CTNNA2: variants seen among roughly 807,000 people sequenced by gnomAD.
CTNNA2 encodes the protein catenin alpha 2.
A neutral mutation model predicts 101.0 loss-of-function variants in CTNNA2; 42 were observed. The observed-to-expected ratio is 0.42, with a 90% CI of 0.32 to 0.54. CTNNA2 has a LOEUF of 0.54. Ranked by LOEUF, CTNNA2 falls within the 20% of genes least tolerant of loss-of-function variation. The probability of loss-of-function intolerance (pLI) is 0.14; values close to 1 mark genes in which losing one functional copy is unlikely to be tolerated. For synonymous variants in CTNNA2, 450 were observed against 456.4 expected, an observed-to-expected ratio of 0.99 and a Z score of 0.18; for missense variants, 871 against 1,223.1, an observed-to-expected ratio of 0.71 and a Z score of 4.29.
At chr2:80,221,599 C>T (rs1471138608) in intron 7 of CTNNA2, among the ~76,000 whole-genome samples, 1 of 152,184 alleles carries the variant, frequency 6.6e-6, no homozygotes, top group Non-Finnish European at 1.5e-5. Flanking sequence ...TCCTGATATA[C>T]TCATTTCCTG....
chr2:79,836,540 T>C (rs1679377295), intron 3 of CTNNA2, among the ~76,000 whole-genome samples: 1 of 152,106 alleles, frequency 6.6e-6, no homozygotes, highest in Admixed American at 6.6e-5. Flanking sequence ...ACAACAGAAA[T>C]TTACTTTTTA....
chr2:79,284,488 A>G (rs1323667711), intron 2 of CTNNA2, among the ~76,000 whole-genome samples: 1 of 151,406 alleles, frequency 6.6e-6, no homozygotes, highest in Non-Finnish European at 1.5e-5. Context: ...GAATTTTGTC[A>G]AAGGCTTTTT....
At chr2:80,207,227 C>T (rs1482368809) in intron 7 of CTNNA2, among the ~76,000 whole-genome samples, 1 of 152,106 alleles carries the variant, frequency 6.6e-6, no homozygotes, top group South Asian at 2.1e-4. Context: ...AGATTAATTA[C>T]AGATGTATTG....
At chr2:80,154,237 T>G (rs1052788867) in intron 7 of CTNNA2, among the ~76,000 whole-genome samples, 4 of 151,982 alleles carry the variant, frequency 2.6e-5, no homozygotes, top group African/African-American at 9.7e-5. Flanking sequence ...TTAAGCATTT[T>G]TTTTCCTGTT....
chr2:80,559,670 A>C (rs764568755), intron 12 of CTNNA2, among the ~76,000 whole-genome samples: 14 of 152,154 alleles, frequency 9.2e-5, no homozygotes, highest in Non-Finnish European at 1.8e-4. Flanking sequence ...TGATGAAAAC[A>C]CAATAAATTG....
intron 9 of CTNNA2, among the ~76,000 whole-genome samples, chr2:80,537,540 A>G (rs779470905): frequency 1.3e-5 from 2 of 151,798 alleles, no homozygotes; most frequent in Non-Finnish European, 2.9e-5. Context: ...ACTCCCACCA[A>G]CAGTGTAAAA....
chr2:79,598,162 G>A (rs1256207290), intron 1 of CTNNA2, among the ~76,000 whole-genome samples: 2 of 152,138 alleles, frequency 1.3e-5, no homozygotes, highest in Admixed American at 6.5e-5. Context: ...TCTTTTCAGT[G>A]CTGAATAATA....
intron 15 of CTNNA2, among the ~76,000 whole-genome samples, chr2:80,599,578 G>T (rs1483821878): frequency 6.6e-6 from 1 of 151,934 alleles, no homozygotes; most frequent in East Asian, 1.9e-4. Flanking sequence ...CTTCTCTTCT[G>T]TTCATGATGT....
chr2:79,822,897 C>A (rs2105386764), intron 3 of CTNNA2, among the ~76,000 whole-genome samples: 1 of 152,270 alleles, frequency 6.6e-6, no homozygotes, highest in East Asian at 1.9e-4. Flanking sequence ...ATTTCATACC[C>A]CACTTGCCTA....
intron 3 of CTNNA2, among the ~76,000 whole-genome samples, chr2:79,771,931 C>T (rs988520468): frequency 6.6e-6 from 1 of 152,068 alleles, no homozygotes; most frequent in African/African-American, 2.4e-5. Context: ...ATAAAAATCC[C>T]GTGTTAAAGA....
At chr2:79,627,118 G>A (rs1238965382) in intron 1 of CTNNA2, among the ~76,000 whole-genome samples, 1 of 152,062 alleles carries the variant, frequency 6.6e-6, no homozygotes, top group African/African-American at 2.4e-5. Context: ...GCGTTTTAGC[G>A]TTATCATCTT....
At chr2:79,250,571 G>A (rs1429596089) in intron 2 of CTNNA2, among the ~76,000 whole-genome samples, 2 of 152,168 alleles carry the variant, frequency 1.3e-5, no homozygotes, top group Non-Finnish European at 2.9e-5. Flanking sequence ...GAGACAGGTA[G>A]CTTTTCTGGA....
intron 15 of CTNNA2, among the ~76,000 whole-genome samples, chr2:80,600,894 G>T (rs924306009): frequency 1.7e-4 from 26 of 152,138 alleles, no homozygotes; most frequent in Middle Eastern, 3.4e-3. Context: ...AAAGTAACTT[G>T]TACAACTATC....
chr2:79,324,381 C>T (rs1008955520), intron 3 of CTNNA2, among the ~76,000 whole-genome samples: 5 of 151,968 alleles, frequency 3.3e-5, no homozygotes, highest in African/African-American at 1.2e-4. Flanking sequence ...GTACCAGGCT[C>T]CAGGGCATGG....
chr2:79,317,475 A>C (rs986734932), intron 3 of CTNNA2, among the ~76,000 whole-genome samples: 8 of 152,016 alleles, frequency 5.3e-5, no homozygotes, highest in Admixed American at 3.9e-4. Flanking sequence ...CCAGAATATA[A>C]GCTCATTTGA....
intron 9 of CTNNA2, among the ~76,000 whole-genome samples, chr2:80,530,328 G>GT (rs1424362745): frequency 2.0e-5 from 3 of 152,182 alleles, no homozygotes. Context: ...GCAGCCCTCA[G>GT]TAGCAGTTTG....
chr2:79,586,411 T>G (rs1676488766), intron 1 of CTNNA2, among the ~76,000 whole-genome samples: 1 of 152,188 alleles, frequency 6.6e-6, no homozygotes, highest in East Asian at 1.9e-4. Flanking sequence ...CTCTGGCAAG[T>G]TCCCTATTCT....
intron 2 of CTNNA2, among the ~76,000 whole-genome samples, chr2:79,673,866 A>G (rs1020669757): frequency 6.6e-6 from 1 of 152,074 alleles, no homozygotes; most frequent in African/African-American, 2.4e-5. Context: ...GCCACAGTCA[A>G]TCTTTGTGCT....
chr2:79,858,320 A>G (rs922258823), intron 4 of CTNNA2, 141 bp downstream of exon 4: 7 of 462,668 alleles, frequency 1.5e-5, no homozygotes, highest in Non-Finnish European at 2.3e-5. Flanking sequence ...CCCACGTCCA[A>G]TTTTTTCTAA....
Sources: gnomAD v4.1 joint callset for allele counts (sites outside exome capture counted in the v4.1 genomes callset) on GRCh38, gnomAD v4.1.1 for gene constraint, MANE v1.5 for transcripts, NCBI Gene and HGNC (gene_info 2026-07-23, HGNC 2026-07-21) for gene names.